Variants in CFLAR observed in about 807,000 individuals in gnomAD.
CFLAR encodes CASP8 and FADD-like apoptosis regulator.
Under a neutral mutation model 51.1 loss-of-function variants are expected in CFLAR, and 14 were observed. That is an observed-to-expected ratio of 0.27 (90% confidence interval 0.18 to 0.43). The LOEUF is 0.43. Ranked by LOEUF, CFLAR falls within the 20% of genes least tolerant of loss-of-function variation. The pLI is 1.00. For synonymous variants in CFLAR, 210 were observed against 211.6 expected, an observed-to-expected ratio of 0.99 and a Z score of 0.06; for missense variants, 390 against 566.5, an observed-to-expected ratio of 0.69 and a Z score of 3.16.
rs2048458596 is a variant in CFLAR at position 201,124,142 on chromosome 2, C to T, written c.-137-5587C>T. Among the ~76,000 whole-genome samples the T allele has an allele frequency of 6.6e-6, 1 of 152,150 alleles. No individual in the cohort carries two copies. The highest frequency in any genetic ancestry group is 6.5e-5 in the Admixed American group (1 of 15,272). ...TCTTTGGATGGCTTAGCTGGTCATGCTGCATGCTTTGCTACTGATTACAGG... is the reference window on the plus strand; with the variant it reads ...TCTTTGGATGGCTTAGCTGGTCATGTTGCATGCTTTGCTACTGATTACAGG... On this transcript the variant is annotated intron_variant, in intron 1 of 9. Transcript: ENST00000309955. The surrounding 1 kb of genome is among the most constrained non-coding windows in gnomAD (Gnocchi z 4.7).
At chr2:201,137,483 C>T in intron 4 of CFLAR, 1 of 573,398 alleles carries the variant, frequency 1.7e-6, no homozygotes, top group Non-Finnish European at 3.2e-6. Context: ...CTGGGGTGCA[C>T]TCCCTCCACC....
At chr2:201,161,353 A>G (rs1942969290) in intron 9 of CFLAR, among the ~76,000 whole-genome samples, 1 of 152,182 alleles carries the variant, frequency 6.6e-6, no homozygotes, top group Non-Finnish European at 1.5e-5. Flanking sequence ...CCTGAGCAAC[A>G]GAGGGAGACC....
chr2:201,153,481 T>A (rs185070152), intron 8 of CFLAR: 1 of 152,326 alleles, frequency 6.6e-6, no homozygotes, highest in Admixed American at 6.5e-5. Context: ...TGAAAATGGT[T>A]GTTATTATTA....
In CFLAR at chr2:201,160,736, G is replaced by A. The variant is rs1942891155; in HGVS notation, c.1098G>A (p.Gln366=). 1.2e-6 allele frequency: 2 copies of A among 1,614,056 alleles called. No individual in the cohort carries two copies. Among genetic ancestry groups the A allele is most frequent in the South Asian group, 1.1e-5 (1 of 91,082 alleles). ...AGAACTATGTGGTGTCAGAGGGCCA[G>A]CTGGAGGACAGCAGCCTCTTGGAGG... ...FIQNYVVSEG[Q]LEDSSLLEVD... The change falls in exon 9 of 10, where the codon CAG becomes CAA. Residue 366 remains glutamine, a synonymous_variant. Coordinates refer to ENST00000309955, the MANE Select transcript of CFLAR (RefSeq NM_003879.7).
intron 1 of CFLAR, among the ~76,000 whole-genome samples, chr2:201,126,322 G>C (rs537796347): frequency 6.6e-6 from 1 of 152,266 alleles, no homozygotes; most frequent in South Asian, 2.1e-4. Flanking sequence ...TGATAGACGC[G>C]GGGCTTTGGG....
chr2:201,161,386 T>C (rs1406633777), intron 9 of CFLAR, among the ~76,000 whole-genome samples: 3 of 151,238 alleles, frequency 2.0e-5, no homozygotes, highest in Non-Finnish European at 2.9e-5. Flanking sequence ...AACAAATAAA[T>C]AAATACAAAT....
At chr2:201,127,928 A>G (rs2048861973) in intron 1 of CFLAR, among the ~76,000 whole-genome samples, 1 of 152,150 alleles carries the variant, frequency 6.6e-6, no homozygotes. Flanking sequence ...TTTTAAAATG[A>G]TTATCTCATT....
rs1943674799 is a variant in CFLAR, at chr2:201,167,091, A to C, written c.*3118A>C. On this transcript the variant is annotated 3_prime_UTR_variant, in exon 10 of 10. Coordinates refer to ENST00000309955, the MANE Select transcript of CFLAR (RefSeq NM_003879.7). The stretch of plus-strand genomic sequence containing the variant: ...GATTTATTTATTTTTCTATTTCTTG[A>C]GGTTTTAACTGATGTGTATCTGTAT... 1 of 151,500 alleles carries C rather than the reference A, an allele frequency of 6.6e-6. No homozygotes were observed. The highest frequency in any genetic ancestry group is 1.5e-5 in the Non-Finnish European group (1 of 67,856). 9.4% of individuals were successfully genotyped at this position (151,500 alleles called of 1,614,324 possible). A position where few individuals can be genotyped will look rare whatever the true frequency, so the allele number is the denominator to read the frequency against.
intron 6 of CFLAR, chr2:201,148,690 A>AT (rs1940718825): frequency 3.3e-6 from 1 of 299,506 alleles, no homozygotes; most frequent in African/African-American, 2.1e-5. Context: ...AGGTTATTAG[A>AT]TTCTCCTATC....
Position 201,169,835 on chromosome 2 carries a change from CA to C in CFLAR, c.*5864del, listed in dbSNP as rs1943903877. ...TCTCAAAAGAAGACATTTATGTGGC[CA>C]ACAAACATATAAAAAAAAGCTCAAC... On this transcript the variant is annotated 3_prime_UTR_variant, in exon 10 of 10. Transcript: ENST00000309955. 6.6e-6 allele frequency: 1 copy of C among 151,910 alleles called. No homozygotes were observed. Among genetic ancestry groups the C allele is most frequent in the South Asian group, 2.1e-4 (1 of 4,820 alleles). 9.4% of individuals were successfully genotyped at this position (151,910 alleles called of 1,614,324 possible). A position where few individuals can be genotyped will look rare whatever the true frequency, so the allele number is the denominator to read the frequency against.
intron 1 of CFLAR, among the ~76,000 whole-genome samples, chr2:201,117,741 C>T (rs1273049568): frequency 6.7e-6 from 1 of 150,144 alleles, no homozygotes; most frequent in Non-Finnish European, 1.5e-5. Context: ...CTGGCTGGAG[C>T]TCCAAGATCT....
At chr2:201,136,874 G>C (rs1177584638) in intron 4 of CFLAR, 1 of 225,312 alleles carries the variant, frequency 4.4e-6, no homozygotes, top group African/African-American at 2.3e-5. Flanking sequence ...AGTGTGTAAA[G>C]TTAAAGCCTT....
rs1044988877 is a variant in CFLAR, at chr2:201,145,384, A to C, written c.613A>C (p.Asn205His). The C allele has an allele frequency of 1.2e-6, 2 of 1,602,926 alleles. No individual in the cohort carries two copies. Among genetic ancestry groups the C allele is most frequent in the South Asian group, 1.1e-5 (1 of 90,442 alleles). The change falls in exon 6 of 10, where the codon AAT becomes CAT. Residue 205 changes from asparagine to histidine, a missense_variant. By Grantham distance (68) the Asn-to-His change is moderately conservative. Around this residue, in one of 2 missense-constraint regions of CFLAR, gnomAD observed 287 missense variants for 363.6 expected, o/e 0.79. Coordinates refer to ENST00000309955, the MANE Select transcript of CFLAR (RefSeq NM_003879.7). ...KDPSNNFRLH[N>H]GRSKEQRLKE... ...TTATTCTTTGTATTTGAAGCTCCATAATGGGAGAAGTAAAGAACAAAGACT... is the reference window on the plus strand; with the variant it reads ...TTATTCTTTGTATTTGAAGCTCCATCATGGGAGAAGTAAAGAACAAAGACT...
intron 3 of CFLAR, among the ~76,000 whole-genome samples, chr2:201,134,314 A>G (rs543851037): frequency 1.3e-5 from 2 of 148,394 alleles, no homozygotes; most frequent in African/African-American, 2.5e-5. Flanking sequence ...TCTCAAAAAA[A>G]AAAATTTTTT....
intron 8 of CFLAR, chr2:201,154,056 C>T: frequency 3.6e-6 from 1 of 277,524 alleles, no homozygotes; most frequent in South Asian, 3.1e-5. Flanking sequence ...AGGCATGCGC[C>T]ACCACGCCCA....
intron 9 of CFLAR, chr2:201,163,508 C>G (rs992999296): frequency 1.4e-5 from 16 of 1,137,648 alleles, no homozygotes; most frequent in Non-Finnish European, 1.7e-5. Flanking sequence ...GCAGGAGCCA[C>G]TCAGCCTTCC....
chr2:201,144,994 A>G (rs1939813976), intron 5 of CFLAR, among the ~76,000 whole-genome samples: 1 of 152,100 alleles, frequency 6.6e-6, no homozygotes. Flanking sequence ...CTGGGATTAC[A>G]GGGGCACGCC....
At chr2:201,137,079 TGCCACATGCCTGAGGGGGCAGCGG>T (rs917962334) in intron 4 of CFLAR, 2 of 177,692 alleles carry the variant, frequency 1.1e-5, no homozygotes, top group African/African-American at 4.8e-5. Context: ...AGCTCAGAAG[TGCCACATGCCTGAGGGGGCAGCGG>T]CCTGGGAAGG....
intron 5 of CFLAR, chr2:201,143,361 A>G (rs1444428091): frequency 2.6e-5 from 4 of 152,090 alleles, no homozygotes; most frequent in Non-Finnish European, 4.4e-5. Flanking sequence ...AATCCCAGCT[A>G]CTTGCGAGGC....
Sources: gnomAD v4.1 joint callset for allele counts (sites outside exome capture counted in the v4.1 genomes callset) on GRCh38, gnomAD v4.1.1 for gene constraint, gnomAD v4.1.1 regional missense constraint, Gnocchi (gnomAD v3.1) non-coding constraint, MANE v1.5 for transcripts, NCBI Gene and HGNC (gene_info 2026-07-23, HGNC 2026-07-21) for gene names.